Variants in LMBRD1 observed in about 807,000 individuals in gnomAD.
LMBRD1 encodes LMBR1 domain containing 1.
In LMBRD1, 64 loss-of-function variants were observed where a neutral mutation model predicts 74.8. That is an observed-to-expected ratio of 0.86 (90% CI 0.70 to 1.05). The LOEUF is 1.05. LMBRD1 is among the 50% of genes least tolerant of loss of function. The pLI is 0.00. For missense variants in LMBRD1, 652 were observed against 645.9 expected, an observed-to-expected ratio of 1.01 and a Z score of -0.10; for synonymous variants, 204 against 216.3, an observed-to-expected ratio of 0.94 and a Z score of 0.50.
At chr6:69,738,202 T>C (rs1038280194) in intron 6 of LMBRD1, among the ~76,000 whole-genome samples, 187 bp from the exon 7 acceptor site, 2 of 152,166 alleles carry the variant, frequency 1.3e-5, no homozygotes, top group Non-Finnish European at 2.9e-5. Flanking sequence ...CTTTAAAAAT[T>C]GATTTGTAAA....
At chr6:69,679,213 A>G (rs1408543285) in intron 14 of LMBRD1, among the ~76,000 whole-genome samples, 1 of 152,142 alleles carries the variant, frequency 6.6e-6, no homozygotes, top group East Asian at 1.9e-4. Context: ...TCTAGAATGA[A>G]TATTCACAGT....
chr6:69,707,324 T>A (rs536674171), intron 9 of LMBRD1, among the ~76,000 whole-genome samples: 1 of 152,284 alleles, frequency 6.6e-6, no homozygotes, highest in African/African-American at 2.4e-5. Context: ...TAACCCAGGA[T>A]AATCTTTATA....
rs371799851 is a variant in LMBRD1, at chr6:69,699,238, T to G, written c.1189-46A>C. On this transcript the variant is annotated intron_variant, in intron 12 of 15. Transcript: ENST00000649934. ...AAATTTCAGCAATATATTTCATTTA[T>G]AAAGCATTAAATCCTTTTCTTGTGT... The G allele has an allele frequency of 8.1e-4, 1,207 of 1,495,928 alleles. 2 individuals are homozygous for G. The highest frequency in any genetic ancestry group is 1.2e-3 in the Admixed American group (71 of 59,624). 92.7% of individuals were successfully genotyped at this position (1,495,928 alleles called of 1,614,324 possible). A position where few individuals can be genotyped will look rare whatever the true frequency, so the allele number is the denominator to read the frequency against.
intron 14 of LMBRD1, among the ~76,000 whole-genome samples, chr6:69,693,974 T>C (rs1765943202): frequency 6.6e-6 from 1 of 152,108 alleles, no homozygotes; most frequent in Non-Finnish European, 1.5e-5. Flanking sequence ...TATGTTTTTG[T>C]ATTGCAAAAT....
chr6:69,691,267 G>T (rs1582050892), intron 14 of LMBRD1, among the ~76,000 whole-genome samples: 5 of 146,958 alleles, frequency 3.4e-5, no homozygotes, highest in African/African-American at 2.5e-5. Flanking sequence ...CCAGACATTT[G>T]CATTAAAAGT....
At position 69,796,843 on chromosome 6, in the gene LMBRD1, G is replaced by GATC; in HGVS notation, c.36_38dup (p.Val12_Ile13insMet). The GATC allele has an allele frequency of 6.2e-7, 1 of 1,613,966 alleles. No homozygotes were observed. The highest frequency in any genetic ancestry group is 1.3e-5 in the African/African-American group (1 of 75,008). On this transcript the variant is annotated inframe_insertion, in exon 1 of 16. Coordinates refer to ENST00000649934, the MANE Select transcript of LMBRD1 (RefSeq NM_018368.4). ...GTAAGAGGCCGAATATGCACCAGCC[G>GATC]ATCACCAGCTCCGCCGAGGCCGCGC... is the stretch of plus-strand genomic sequence containing the variant.
chr6:69,721,757 A>G (rs1766619868), intron 7 of LMBRD1, among the ~76,000 whole-genome samples: 1 of 152,196 alleles, frequency 6.6e-6, no homozygotes, highest in Admixed American at 6.5e-5. Flanking sequence ...CAGACTCTTG[A>G]GGTCCCCAAG....
intron 5 of LMBRD1, among the ~76,000 whole-genome samples, chr6:69,743,405 G>C (rs1767149455): frequency 6.6e-6 from 1 of 152,126 alleles, no homozygotes; most frequent in South Asian, 2.1e-4. Context: ...TACAGAAAGA[G>C]ACTAAAATTA....
At position 69,741,844 on chromosome 6, in the gene LMBRD1, T is replaced by C; in HGVS notation, c.507A>G (p.Lys169=). Residue 169 remains lysine (K), a synonymous_variant, in exon 6 of 16, where the codon AAA becomes AAG. Coordinates refer to ENST00000649934, the MANE Select transcript of LMBRD1 (RefSeq NM_018368.4). The stretch of plus-strand genomic sequence containing the variant: ...TCACTTTTTCCCACTCTGTAGAATT[T>C]TTGTTATTGGGAACATTCAATGGAA... ...AFVPLNVPNN[K]NSTEWEKVKS... 6.2e-7 allele frequency: 1 copy of C among 1,606,252 alleles called. No individual in the cohort carries two copies. Among genetic ancestry groups the C allele is most frequent in the Non-Finnish European group, 8.5e-7 (1 of 1,172,962 alleles).
chr6:69,698,794 T>A (rs889930968), intron 13 of LMBRD1, among the ~76,000 whole-genome samples: 3 of 151,824 alleles, frequency 2.0e-5, no homozygotes, highest in African/African-American at 7.3e-5. Context: ...AAGGTAAAGC[T>A]CAGTAGCTTA....
Position 69,779,149 on chromosome 6 carries a change from G to A in LMBRD1, c.307+1345C>T, listed in dbSNP as rs932934389. Among the ~76,000 whole-genome samples, 4 of 144,688 alleles carry A rather than the reference G, an allele frequency of 2.8e-5. No individual in the cohort carries two copies. The South Asian group carries it at 8.6e-4, about 31-fold the overall frequency. The allele number at this position is 144,688 out of a possible 152,430, so 94.9% of individuals were successfully genotyped here. A position where few individuals can be genotyped will look rare whatever the true frequency, so the allele number is the denominator to read the frequency against. On this transcript the variant is annotated intron_variant, in intron 3 of 15. Transcript: ENST00000649934. ...TGCAGTGAGCCGAGACTGTGCCACT[G>A]CACTCCAGCCTGGGCAACAGGGCGA...
At chr6:69,701,419 T>C in intron 11 of LMBRD1, 24 bp downstream of exon 11, 1 of 1,306,340 alleles carries the variant, frequency 7.7e-7, no homozygotes, top group Non-Finnish European at 1.1e-6. Context: ...AGCTACAGTA[T>C]AAAATGATTG....
In LMBRD1 at chr6:69,752,311, A is replaced by G; in HGVS notation, c.353T>C (p.Phe118Ser). Reference protein sequence around the residue: ...ILFCVFFWIPFVYFYYEEKDD... With the variant: ...ILFCVFFWIPSVYFYYEEKDD... ...CTTTTCTTCATAATAGAAGTAGACAAAAGGGATCCAGAAGAACACACAGAA... is the reference window on the plus strand; with the variant it reads ...CTTTTCTTCATAATAGAAGTAGACAGAAGGGATCCAGAAGAACACACAGAA... The change falls in exon 4 of 16, where the codon TTT becomes TCT. Residue 118 changes from phenylalanine (F) to serine (S), a missense_variant. Physicochemically the swap from Phe to Ser is radical, Grantham distance 155. This residue lies in a region of LMBRD1 where 598 missense variants were observed against 581.8 expected (regional missense o/e 1.03). Transcript: ENST00000649934. The G allele has an allele frequency of 6.2e-7, 1 of 1,610,524 alleles. No homozygotes were observed. Among genetic ancestry groups the G allele is most frequent in the East Asian group, 2.2e-5 (1 of 44,650 alleles).
chr6:69,749,239 C>T (rs1765062525), intron 5 of LMBRD1, 102 bp downstream of exon 5: 1 of 892,508 alleles, frequency 1.1e-6, no homozygotes, highest in East Asian at 2.7e-5. Flanking sequence ...TTTTTTCTTA[C>T]ATTTTTTTCT....
Position 69,699,064 on chromosome 6 carries a change from T to C in LMBRD1, c.1317A>G (p.Gly439=). 1 of 1,601,614 alleles carries C rather than the reference T, an allele frequency of 6.2e-7. No homozygotes were observed. Among genetic ancestry groups the C allele is most frequent in the Non-Finnish European group, 8.6e-7 (1 of 1,169,440 alleles). ...TTACCTCTATTAAGTAATTTTGGCT[T>C]CCATACATAACATATTGGGGAGCAA... is the stretch of plus-strand genomic sequence containing the variant. ...YSLAPQYVMY[G]SQNYLIETNI... is the part of the protein sequence containing the mutation. The change falls in exon 13 of 16, where the codon GGA becomes GGG. Residue 439 remains glycine (G), a synonymous_variant. Transcript: ENST00000649934.
chr6:69,679,550 T>C (rs910848114), intron 14 of LMBRD1, among the ~76,000 whole-genome samples: 2 of 152,176 alleles, frequency 1.3e-5, no homozygotes, highest in Admixed American at 1.3e-4. Context: ...ATATTTTAAA[T>C]TTATATTAAT....
At chr6:69,782,015 T>C (rs548893543) in intron 2 of LMBRD1, among the ~76,000 whole-genome samples, 1 of 152,328 alleles carries the variant, frequency 6.6e-6, no homozygotes, top group East Asian at 1.9e-4. Context: ...TCCACTATTA[T>C]ATAACCTTTC....
At position 69,701,881 on chromosome 6, in the gene LMBRD1, G is replaced by A. The variant is rs552866506; in HGVS notation, c.980+8C>T. On this transcript the variant is annotated splice_region_variant and intron_variant, in intron 10 of 15. Transcript: ENST00000649934. ...AAGTGCTTTAGAAAATGTGTCTACT[G>A]TACTTACTTTGACAAGAAGAGAGAA... is the stretch of plus-strand genomic sequence containing the variant. 2 of 1,542,444 alleles carry A rather than the reference G, an allele frequency of 1.3e-6. No homozygotes were observed. Among genetic ancestry groups the A allele is most frequent in the South Asian group, 1.1e-5 (1 of 89,520 alleles).
chr6:69,778,473 T>C (rs761599727), intron 3 of LMBRD1, among the ~76,000 whole-genome samples: 1 of 152,224 alleles, frequency 6.6e-6, no homozygotes, highest in East Asian at 1.9e-4. Context: ...CATTCCAGTT[T>C]ACAAGTCTTT....
Sources: allele counts gnomAD v4.1 joint callset (sites outside exome capture counted in the v4.1 genomes callset), GRCh38; gene constraint gnomAD v4.1.1; regional missense constraint gnomAD v4.1.1; transcripts MANE v1.5; gene names NCBI Gene and HGNC (gene_info 2026-07-23, HGNC 2026-07-21).